Variants in OSBPL9 observed in about 807,000 individuals in gnomAD.
OSBPL9 encodes oxysterol-binding protein-related protein 9.
In OSBPL9, 40 loss-of-function variants were observed where a neutral mutation model predicts 106.6. The observed-to-expected ratio is 0.38, with a 90% CI of 0.29 to 0.49. OSBPL9 has a LOEUF of 0.49. OSBPL9 is among the 20% of genes least tolerant of loss of function. OSBPL9 has a pLI of 0.97. For missense variants in OSBPL9, 609 were observed against 887.2 expected (o/e 0.69, Z 3.98); for synonymous variants, 269 against 295.4 (o/e 0.91, Z 0.92).
At chr1:51,742,432 G>A (rs1393004403) in intron 4 of OSBPL9, among the ~76,000 whole-genome samples, 1 of 152,004 alleles carries the variant, frequency 6.6e-6, no homozygotes, top group Non-Finnish European at 1.5e-5. Context: ...TTTAAAACTC[G>A]GCCGGGCGCA....
intron 1 of OSBPL9, among the ~76,000 whole-genome samples, chr1:51,631,044 G>A (rs976178854): frequency 1.3e-5 from 2 of 152,150 alleles, no homozygotes; most frequent in Non-Finnish European, 2.9e-5. Flanking sequence ...AGTTTGACAC[G>A]AGGCTGGCCT....
At chr1:51,688,018 CAATG>C (rs898405950) in intron 3 of OSBPL9, among the ~76,000 whole-genome samples, 2 of 151,970 alleles carry the variant, frequency 1.3e-5, no homozygotes, top group Non-Finnish European at 2.9e-5. Flanking sequence ...TCCTGATTGT[CAATG>C]GATGGACTAT....
rs115748203 is a variant in OSBPL9, at chr1:51,773,081, C to T, written c.1170+358C>T. 1.0e-3 allele frequency among the ~76,000 whole-genome samples: 158 copies of T among 152,178 alleles called. 1 individual carries two copies. The highest frequency in any genetic ancestry group is 3.7e-3 in the African/African-American group (152 of 41,498). ...TCTGTGGACTTCAGGGTTCTCTATG[C>T]AAATTGGACACATAGTAACCTGTTT... is the stretch of plus-strand genomic sequence containing the variant. On this transcript the variant is annotated intron_variant, in intron 14 of 23. Coordinates refer to ENST00000428468, the MANE Select transcript of OSBPL9 (RefSeq NM_024586.6).
At chr1:51,588,917 G>A (rs1039724587) in intron 1 of OSBPL9, among the ~76,000 whole-genome samples, 2 of 152,196 alleles carry the variant, frequency 1.3e-5, no homozygotes, top group African/African-American at 4.8e-5. Context: ...CAGCAGAGAA[G>A]CACTGTGCTC....
upstream of OSBPL9, among the ~76,000 whole-genome samples, chr1:51,572,474 C>G (rs930658131): frequency 6.6e-6 from 1 of 152,170 alleles, no homozygotes; most frequent in South Asian, 2.1e-4. Context: ...GTCTGCTCCT[C>G]TCTCCGTCAC....
the OSBPL9 span, among the ~76,000 whole-genome samples, chr1:51,518,659 TG>T: frequency 2.0e-5 from 3 of 152,076 alleles, no homozygotes; most frequent in Non-Finnish European, 4.4e-5. Context: ...CGTCGGACCC[TG>T]GGAGAAAGGC....
chr1:51,749,303 C>T (rs1219163378), intron 7 of OSBPL9, among the ~76,000 whole-genome samples: 1 of 151,958 alleles, frequency 6.6e-6, no homozygotes, highest in Non-Finnish European at 1.5e-5. Context: ...CTCCATACTT[C>T]CATCAAAGTC....
At chr1:51,680,987 T>C (rs1652424407) in intron 3 of OSBPL9, among the ~76,000 whole-genome samples, 1 of 152,212 alleles carries the variant, frequency 6.6e-6, no homozygotes, top group African/African-American at 2.4e-5. Context: ...TATATTTTGA[T>C]GTGTTTGTTT....
At chr1:51,558,233 T>C in the OSBPL9 span, among the ~76,000 whole-genome samples, 3 of 151,934 alleles carry the variant, frequency 2.0e-5, no homozygotes, top group Non-Finnish European at 2.9e-5. Context: ...TGAGCCAAGA[T>C]TGTGCCACTG....
the OSBPL9 span, among the ~76,000 whole-genome samples, chr1:51,527,321 ATGATGATGG>A: frequency 3.8e-5 from 5 of 132,570 alleles, no homozygotes; most frequent in South Asian, 1.2e-3. Context: ...GGACTATCCA[ATGATGATGG>A]TGATGATGAT....
rs375732152 is a variant in OSBPL9, at chr1:51,660,205, G to A, written c.162+8164G>A. On this transcript the variant is annotated intron_variant, in intron 2 of 23. Coordinates refer to ENST00000428468, the MANE Select transcript of OSBPL9 (RefSeq NM_024586.6). ...TTCAGATGTATAAGAGGTATAAAAT[G>A]AAATTTTAAACTTAGAAAAAAAGCA... is the stretch of plus-strand genomic sequence containing the variant. Among the ~76,000 whole-genome samples, 38 of 152,164 alleles carry A rather than the reference G, an allele frequency of 2.5e-4. No homozygotes were observed. The East Asian group carries it at 2.7e-3, about 11-fold the overall frequency.
intron 3 of OSBPL9, among the ~76,000 whole-genome samples, chr1:51,705,399 ATTTTTTTTTTTTTTT>A (rs869169566): frequency 7.4e-5 from 3 of 40,448 alleles, no homozygotes; most frequent in African/African-American, 1.2e-4. Flanking sequence ...ATATATATAT[ATTTTTTTTTTTTTTT>A]TTTTTTTTTT....
intron 1 of OSBPL9, among the ~76,000 whole-genome samples, chr1:51,647,671 TGTTC>T (rs1314408586): frequency 6.6e-6 from 1 of 152,236 alleles, no homozygotes; most frequent in African/African-American, 2.4e-5. Context: ...TCTAATTTGT[TGTTC>T]CTTGTATTTC....
Position 51,784,007 on chromosome 1 carries a change from G to T in OSBPL9, c.1606G>T (p.Val536Leu), listed in dbSNP as rs1677007454. The T allele has an allele frequency of 6.2e-7, 1 of 1,611,808 alleles. No individual in the cohort carries two copies. The highest frequency in any genetic ancestry group is 1.1e-5 in the South Asian group (1 of 91,036). The change falls in exon 18 of 24, where the codon GTG becomes TTG. Residue 536 changes from valine (V) to leucine (L), a missense_variant. Val to Leu is a conservative substitution (Grantham distance 32). Coordinates refer to ENST00000428468, the MANE Select transcript of OSBPL9 (RefSeq NM_024586.6). Reference protein sequence around the residue: ...KSKFLGMSIGVHNIGQGCVSC... With the variant: ...KSKFLGMSIGLHNIGQGCVSC... Reference sequence around the variant, plus strand: ...AAAATTCCTTGGGATGTCAATTGGGGTGCACAACATAGGGCAGGGTAAGTG... The same window carrying T: ...AAAATTCCTTGGGATGTCAATTGGGTTGCACAACATAGGGCAGGGTAAGTG...
chr1:51,716,347 A>T (rs1467416134), intron 4 of OSBPL9, among the ~76,000 whole-genome samples: 2 of 152,236 alleles, frequency 1.3e-5, no homozygotes, highest in African/African-American at 4.8e-5. Context: ...CACCACTTAC[A>T]TTTAACCATT....
intron 3 of OSBPL9, among the ~76,000 whole-genome samples, chr1:51,695,097 A>G (rs1655750755): frequency 6.6e-6 from 1 of 152,226 alleles, no homozygotes. Context: ...TAGCAGAAGT[A>G]CTTTATATGT....
intron 1 of OSBPL9, among the ~76,000 whole-genome samples, chr1:51,579,678 T>C (rs1040200419): frequency 2.6e-5 from 4 of 151,722 alleles, no homozygotes; most frequent in African/African-American, 9.7e-5. Context: ...CTGGGCAATA[T>C]GGCAAAACCT....
intron 8 of OSBPL9, among the ~76,000 whole-genome samples, chr1:51,753,602 A>G (rs1338309845): frequency 2.0e-5 from 3 of 152,222 alleles, no homozygotes; most frequent in African/African-American, 4.8e-5. Context: ...GAGGGAGATA[A>G]TGCCATTTGA....
At chr1:51,635,351 T>G (rs1645364233) in intron 1 of OSBPL9, among the ~76,000 whole-genome samples, 1 of 152,084 alleles carries the variant, frequency 6.6e-6, no homozygotes, top group African/African-American at 2.4e-5. Flanking sequence ...TCTTCCTAGA[T>G]TAGATAAGGC....
Sources: allele counts gnomAD v4.1 joint callset (sites outside exome capture counted in the v4.1 genomes callset), GRCh38; gene constraint gnomAD v4.1.1; transcripts MANE v1.5; gene names NCBI Gene and HGNC (gene_info 2026-07-23, HGNC 2026-07-21).